The following ZMIZ1 variants were observed in gnomAD, a reference collection of about 807,000 sequenced individuals.
The protein encoded by ZMIZ1 is zinc finger MIZ domain-containing protein 1.
A neutral mutation model predicts 113.9 loss-of-function variants in ZMIZ1; 17 were observed. The observed-to-expected ratio is 0.15, with a 90% CI of 0.10 to 0.22. The LOEUF is 0.22. Ranked by LOEUF, ZMIZ1 falls within the 10% of genes least tolerant of loss-of-function variation. The pLI, the probability that ZMIZ1 is intolerant of heterozygous loss-of-function variation, is 1.00. For missense variants in ZMIZ1, 1,059 were observed against 1,477.8 expected (o/e 0.72, Z 4.65); for synonymous variants, 607 against 603.1 (o/e 1.01, Z -0.09).
chr10:79,080,888 A>C (rs930335712), intron 1 of ZMIZ1, among the ~76,000 whole-genome samples: 2 of 152,144 alleles, frequency 1.3e-5, no homozygotes, highest in African/African-American at 4.8e-5. Flanking sequence ...GGGTCTGGGC[A>C]GCTCTGCTCC....
At chr10:79,179,835 G>C (rs1224959593) in intron 4 of ZMIZ1, among the ~76,000 whole-genome samples, 1 of 152,266 alleles carries the variant, frequency 6.6e-6, no homozygotes, top group Non-Finnish European at 1.5e-5. Flanking sequence ...GGGCTGGCAA[G>C]GCCGAGGCAG....
At chr10:79,156,332 T>G (rs1463868865) in intron 3 of ZMIZ1, among the ~76,000 whole-genome samples, 1 of 152,028 alleles carries the variant, frequency 6.6e-6, no homozygotes, top group African/African-American at 2.4e-5. Flanking sequence ...GGACCCTAGG[T>G]TTGCGTGGCA....
At chr10:79,310,840 G>A (rs1015136632) in intron 23 of ZMIZ1, 84 bp from the exon 24 acceptor site, 1 of 1,460,108 alleles carries the variant, frequency 6.8e-7, no homozygotes, top group African/African-American at 1.4e-5. Context: ...TTCCCTGGTT[G>A]TGTTGGGTTT....
At chr10:79,090,761 A>C (rs535329895) in intron 1 of ZMIZ1, among the ~76,000 whole-genome samples, 12 of 152,326 alleles carry the variant, frequency 7.9e-5, no homozygotes, top group African/African-American at 2.9e-4. Context: ...GCTGATGTGC[A>C]TTGTGGGAGC....
intron 8 of ZMIZ1, among the ~76,000 whole-genome samples, chr10:79,281,503 A>G (rs1751565769): frequency 2.0e-5 from 3 of 152,200 alleles, no homozygotes. Context: ...ACTGGCCAGC[A>G]CCCAGTGCCC....
chr10:79,223,509 A>AG (rs1212104751), intron 7 of ZMIZ1, among the ~76,000 whole-genome samples: 1 of 152,164 alleles, frequency 6.6e-6, no homozygotes, highest in East Asian at 1.9e-4. Context: ...TGCCCCTACA[A>AG]GGGGCTCTGG....
intron 8 of ZMIZ1, among the ~76,000 whole-genome samples, chr10:79,288,580 C>G (rs983479930): frequency 6.6e-6 from 1 of 152,150 alleles, no homozygotes; most frequent in Non-Finnish European, 1.5e-5. Flanking sequence ...AGTGGCACAG[C>G]TGTGGGCGCT....
At chr10:79,079,764 T>A (rs934106632) in intron 1 of ZMIZ1, among the ~76,000 whole-genome samples, 1 of 152,128 alleles carries the variant, frequency 6.6e-6, no homozygotes, top group African/African-American at 2.4e-5. Flanking sequence ...GGATTCAGTG[T>A]CCCAGAAAGA....
At chr10:79,096,843 T>C (rs1228915435) in intron 1 of ZMIZ1, among the ~76,000 whole-genome samples, 5 of 152,132 alleles carry the variant, frequency 3.3e-5, no homozygotes, top group Non-Finnish European at 7.4e-5. Flanking sequence ...TTATAAATTA[T>C]GATAAGCACC....
intron 8 of ZMIZ1, among the ~76,000 whole-genome samples, chr10:79,284,827 T>C (rs528496061): frequency 1.3e-5 from 2 of 152,150 alleles, no homozygotes; most frequent in South Asian, 4.2e-4. Context: ...AATATTAACC[T>C]CAAAAAGGGG....
At chr10:79,304,314 C>A in intron 19 of ZMIZ1, 139 bp downstream of exon 19, 1 of 1,175,648 alleles carries the variant, frequency 8.5e-7, no homozygotes, top group East Asian at 2.6e-5. Context: ...TGGCGTCACT[C>A]ATTAATTTCC....
chr10:79,272,214 AG>A (rs147528697), intron 7 of ZMIZ1, among the ~76,000 whole-genome samples: 1,638 of 152,232 alleles, frequency 0.011, 31 homozygotes, highest in African/African-American at 0.038. Flanking sequence ...TGAATCCGGG[AG>A]GCAGATGTTG....
At chr10:79,170,188 A>G (rs987161330) in intron 4 of ZMIZ1, among the ~76,000 whole-genome samples, 2 of 152,282 alleles carry the variant, frequency 1.3e-5, no homozygotes, top group Admixed American at 6.5e-5. Context: ...GATCTGGCCA[A>G]TCTGGGACAC....
intron 8 of ZMIZ1, among the ~76,000 whole-genome samples, chr10:79,282,252 C>T (rs971004916): frequency 1.3e-5 from 2 of 152,228 alleles, no homozygotes; most frequent in African/African-American, 4.8e-5. Flanking sequence ...CCGTCATCCT[C>T]CATAATTTTA....
chr10:79,245,096 C>G (rs1361684337), intron 7 of ZMIZ1, among the ~76,000 whole-genome samples: 3 of 152,202 alleles, frequency 2.0e-5, no homozygotes, highest in Non-Finnish European at 4.4e-5. Context: ...AACGGCGATG[C>G]TTTGGTGAGA....
chr10:79,102,280 C>T (rs1021426070), intron 1 of ZMIZ1, among the ~76,000 whole-genome samples: 2 of 152,242 alleles, frequency 1.3e-5, no homozygotes, highest in Non-Finnish European at 2.9e-5. Flanking sequence ...GCAGAAATCC[C>T]GGCTCTGGAA....
intron 3 of ZMIZ1, among the ~76,000 whole-genome samples, chr10:79,147,184 A>G (rs1228373148): frequency 6.6e-6 from 1 of 152,062 alleles, no homozygotes; most frequent in Non-Finnish European, 1.5e-5. Flanking sequence ...GGGCCTCAGA[A>G]TCTGGTATGG....
At chr10:79,261,312 C>CT (rs1319340403) in intron 7 of ZMIZ1, among the ~76,000 whole-genome samples, 4 of 152,244 alleles carry the variant, frequency 2.6e-5, no homozygotes, top group Non-Finnish European at 1.5e-5. Flanking sequence ...GTTCCCTTCC[C>CT]TCTCCCTACA....
Position 79,202,203 on chromosome 10 carries a change from AAAAAAAAAAAAG to A in ZMIZ1, c.60+515_60+526del, listed in dbSNP as rs1252457500. ...ACCCTGTCTCAGAAAAAAAAAAAAA[AAAAAAAAAAAAG>A]AAAGAAAGAAAGAAGGAAGGAAGGA... On this transcript the variant is annotated intron_variant, in intron 5 of 24. Transcript: ENST00000334512. Among the ~76,000 whole-genome samples, 254 of 139,036 alleles carry A rather than the reference AAAAAAAAAAAAG, an allele frequency of 1.8e-3. 1 individual carries two copies. Among genetic ancestry groups the A allele is most frequent in the Non-Finnish European group, 2.9e-3 (186 of 64,066 alleles). The allele number at this position is 139,036 out of a possible 152,430, so 91.2% of individuals were successfully genotyped here. A position where few individuals can be genotyped will look rare whatever the true frequency, so the allele number is the denominator to read the frequency against.
Sources: gnomAD v4.1 joint callset for allele counts (sites outside exome capture counted in the v4.1 genomes callset) on GRCh38, gnomAD v4.1.1 for gene constraint, MANE v1.5 for transcripts, NCBI Gene and HGNC (gene_info 2026-07-23, HGNC 2026-07-21) for gene names.